Variants in UBASH3B observed in about 807,000 individuals in gnomAD.
The protein encoded by UBASH3B is ubiquitin-associated and SH3 domain-containing protein B.
UBASH3B carries 37 observed loss-of-function variants against 83.4 expected under a neutral mutation model. The observed-to-expected ratio is 0.44, with a 90% CI of 0.34 to 0.58. The LOEUF (loss-of-function observed/expected upper bound fraction) is 0.58, where lower values mean the gene tolerates loss of function less well. UBASH3B is among the 20% of genes least tolerant of loss of function. The probability of loss-of-function intolerance (pLI) is 0.01; values close to 1 mark genes in which losing one functional copy is unlikely to be tolerated. For missense variants in UBASH3B, 657 were observed against 827.2 expected (o/e 0.79, Z 2.52); for synonymous variants, 304 against 318.3 (o/e 0.96, Z 0.48).
intron 1 of UBASH3B, among the ~76,000 whole-genome samples, chr11:122,706,490 G>C (rs904535929): frequency 6.6e-6 from 1 of 152,178 alleles, no homozygotes; most frequent in Non-Finnish European, 1.5e-5. Flanking sequence ...AACTTGTGTT[G>C]TTAAGCTAGA....
At chr11:122,707,743 G>A (rs1864141033) in intron 1 of UBASH3B, among the ~76,000 whole-genome samples, 2 of 150,558 alleles carry the variant, frequency 1.3e-5, no homozygotes, top group South Asian at 2.1e-4. Flanking sequence ...CTGTTACCCA[G>A]GCTGGAGTGC....
chr11:122,700,427 G>A (rs1340796959), intron 1 of UBASH3B, among the ~76,000 whole-genome samples: 1 of 147,746 alleles, frequency 6.8e-6, no homozygotes, highest in African/African-American at 2.5e-5. Context: ...TACATCTTAA[G>A]TTTTTTTCAC....
At chr11:122,687,147 G>A (rs1403298046) in intron 1 of UBASH3B, among the ~76,000 whole-genome samples, 1 of 152,182 alleles carries the variant, frequency 6.6e-6, no homozygotes, top group Non-Finnish European at 1.5e-5. Flanking sequence ...GGGATTACGG[G>A]TGTGAGTCAC....
chr11:122,763,294 A>G (rs1486764276), intron 1 of UBASH3B, among the ~76,000 whole-genome samples: 1 of 152,180 alleles, frequency 6.6e-6, no homozygotes, highest in Non-Finnish European at 1.5e-5. Flanking sequence ...CAGAGGCCAG[A>G]GTTCCAGCCC....
chr11:122,719,695 A>T (rs1860588838), intron 1 of UBASH3B, among the ~76,000 whole-genome samples: 1 of 152,106 alleles, frequency 6.6e-6, no homozygotes, highest in African/African-American at 2.4e-5. Flanking sequence ...TTCCCAAACA[A>T]GTTGTCTCTA....
intron 6 of UBASH3B, among the ~76,000 whole-genome samples, chr11:122,792,518 C>T (rs1228810825): frequency 2.6e-5 from 4 of 151,920 alleles, no homozygotes; most frequent in African/African-American, 9.7e-5. Flanking sequence ...GGGGTTTCAC[C>T]ACGTTGGCCA....
Position 122,813,017 on chromosome 11 carries a change from A to T in UBASH3B, c.*3131A>T, listed in dbSNP as rs905872769. On this transcript the variant is annotated 3_prime_UTR_variant, in exon 14 of 14. Transcript: ENST00000284273. ...TTTCACTCTGTAGTGAAAGGCTTGGAGGAGTTTCTACTTTTTATTTTAATT... is the reference window on the plus strand; with the variant it reads ...TTTCACTCTGTAGTGAAAGGCTTGGTGGAGTTTCTACTTTTTATTTTAATT... The T allele has an allele frequency of 1.3e-5, 2 of 152,634 alleles. No individual in the cohort carries two copies. Among genetic ancestry groups the T allele is most frequent in the Admixed American group, 6.5e-5 (1 of 15,274 alleles). 9.5% of individuals were successfully genotyped at this position (152,634 alleles called of 1,614,324 possible).
At chr11:122,809,491 C>CT (rs1390683721) in intron 13 of UBASH3B, among the ~76,000 whole-genome samples, 1 of 152,200 alleles carries the variant, frequency 6.6e-6, no homozygotes, top group Non-Finnish European at 1.5e-5. Flanking sequence ...TGAACAATGA[C>CT]TTAATTACTT....
In UBASH3B at chr11:122,655,991, C is replaced by A. The variant is rs1465886272; in HGVS notation, c.-59C>A. The A allele has an allele frequency of 1.4e-6, 2 of 1,430,666 alleles. No individual in the cohort carries two copies. Among genetic ancestry groups the A allele is most frequent in the African/African-American group, 2.9e-5 (2 of 67,976 alleles). 88.6% of individuals were successfully genotyped at this position (1,430,666 alleles called of 1,614,324 possible). ...CTCCCCTGGCCCAGCCCGACTCCCT[C>A]CTCCTTCCCGAACCATCCGGCTCGG... On this transcript the variant is annotated 5_prime_UTR_variant, in exon 1 of 14. Coordinates refer to ENST00000284273, the MANE Select transcript of UBASH3B (RefSeq NM_032873.5).
At chr11:122,724,440 G>A (rs1227717659) in intron 1 of UBASH3B, among the ~76,000 whole-genome samples, 2 of 152,168 alleles carry the variant, frequency 1.3e-5, no homozygotes, top group African/African-American at 2.4e-5. Flanking sequence ...AACCACCAGG[G>A]GCCCACCTTG....
chr11:122,688,739 G>A (rs1447090545), intron 1 of UBASH3B, among the ~76,000 whole-genome samples: 2 of 151,754 alleles, frequency 1.3e-5, no homozygotes, highest in Non-Finnish European at 2.9e-5. Flanking sequence ...CCGCCTCCCG[G>A]GTTCACCCCA....
chr11:122,660,041 A>G (rs371840660), intron 1 of UBASH3B, among the ~76,000 whole-genome samples: 1 of 152,164 alleles, frequency 6.6e-6, no homozygotes, highest in Non-Finnish European at 1.5e-5. Context: ...CTCTGAGGGG[A>G]ACGCAATTAA....
chr11:122,767,838 T>A (rs1860576536), intron 1 of UBASH3B, among the ~76,000 whole-genome samples: 1 of 152,174 alleles, frequency 6.6e-6, no homozygotes, highest in African/African-American at 2.4e-5. Flanking sequence ...TGGGCAAGAA[T>A]GTTGCTCTGG....
At chr11:122,756,093 AAC>A (rs1261851970) in intron 1 of UBASH3B, among the ~76,000 whole-genome samples, 1 of 152,080 alleles carries the variant, frequency 6.6e-6, no homozygotes, top group African/African-American at 2.4e-5. Flanking sequence ...GTGTTGGCCT[AAC>A]AGGAATCAAG....
chr11:122,793,116 C>T (rs1167078567), intron 6 of UBASH3B, among the ~76,000 whole-genome samples: 1 of 152,120 alleles, frequency 6.6e-6, no homozygotes, highest in Non-Finnish European at 1.5e-5. Flanking sequence ...TGCAGTGGCT[C>T]ACTCCTGTAA....
intron 1 of UBASH3B, among the ~76,000 whole-genome samples, chr11:122,659,368 GCT>G (rs1863405167): frequency 6.6e-6 from 1 of 152,104 alleles, no homozygotes. Context: ...TGGGTTTGCT[GCT>G]CTTTTTCTTA....
intron 1 of UBASH3B, among the ~76,000 whole-genome samples, chr11:122,700,739 C>G (rs956107576): frequency 2.0e-5 from 3 of 152,130 alleles, no homozygotes; most frequent in Non-Finnish European, 4.4e-5. Context: ...TCAGGTGATC[C>G]ACCCTCCTCG....
intron 1 of UBASH3B, among the ~76,000 whole-genome samples, chr11:122,677,512 C>G (rs1863683539): frequency 6.6e-6 from 1 of 152,140 alleles, no homozygotes; most frequent in Non-Finnish European, 1.5e-5. Context: ...TTACCATTAT[C>G]ACATCATCAA....
At chr11:122,739,085 A>G (rs1860982967) in intron 1 of UBASH3B, among the ~76,000 whole-genome samples, 1 of 152,024 alleles carries the variant, frequency 6.6e-6, no homozygotes, top group African/African-American at 2.4e-5. Flanking sequence ...TGCAGCCTCA[A>G]ATTACAGGGC....
Sources: allele counts gnomAD v4.1 joint callset (sites outside exome capture counted in the v4.1 genomes callset), GRCh38; gene constraint gnomAD v4.1.1; transcripts MANE v1.5; gene names NCBI Gene and HGNC (gene_info 2026-07-23, HGNC 2026-07-21).